The following ADGRG6 variants were observed in gnomAD, a reference collection of about 807,000 sequenced individuals.
ADGRG6 encodes the protein adhesion G protein-coupled receptor G6, also known as G-protein coupled receptor 126.
ADGRG6 carries 84 observed loss-of-function variants against 142.4 expected under a neutral mutation model. That is an observed-to-expected ratio of 0.59 (90% confidence interval 0.49 to 0.71). ADGRG6 has a LOEUF of 0.71. Among genes scored for constraint, ADGRG6 ranks in the 30% least tolerant of loss-of-function variants. The pLI, the probability that ADGRG6 is intolerant of heterozygous loss-of-function variation, is 0.00. For synonymous variants in ADGRG6, 521 were observed against 520.5 expected, an observed-to-expected ratio of 1.00 and a Z score of -0.01; for missense variants, 1,367 against 1,466.6, an observed-to-expected ratio of 0.93 and a Z score of 1.11.
intron 2 of ADGRG6, among the ~76,000 whole-genome samples, chr6:142,359,230 CTAAACA>C (rs1780604326): frequency 6.9e-6 from 1 of 143,910 alleles, no homozygotes; most frequent in African/African-American, 2.6e-5. Flanking sequence ...AAAAAAAGTG[CTAAACA>C]AAAATCCAGT....
intron 2 of ADGRG6, among the ~76,000 whole-genome samples, chr6:142,315,005 T>TG (rs1554229843): frequency 2.7e-5 from 4 of 150,774 alleles, no homozygotes; most frequent in Admixed American, 6.6e-5. Flanking sequence ...TGTGTGTGTG[T>TG]TATACAGTCT....
At chr6:142,385,893 A>G (rs1251041120) in intron 6 of ADGRG6, among the ~76,000 whole-genome samples, 3 of 152,228 alleles carry the variant, frequency 2.0e-5, no homozygotes, top group Non-Finnish European at 4.4e-5. Flanking sequence ...GGAAACAGAG[A>G]GTAAAGATTC....
At position 142,302,131 on chromosome 6, in the gene ADGRG6, G is replaced by A; in HGVS notation, c.-199G>A. 1 of 591,722 alleles carries A rather than the reference G, an allele frequency of 1.7e-6. No homozygotes were observed. The highest frequency in any genetic ancestry group is 2.2e-5 in the South Asian group (1 of 44,640). 36.7% of individuals were successfully genotyped at this position (591,722 alleles called of 1,614,324 possible). A position where few individuals can be genotyped will look rare whatever the true frequency, so the allele number is the denominator to read the frequency against. Reference sequence around the variant, plus strand: ...CTTCCTCGTCCGCAGGCCCTGCGCTGAACGCTGCCGCGCCCAGGGTTCACC... The same window carrying A: ...CTTCCTCGTCCGCAGGCCCTGCGCTAAACGCTGCCGCGCCCAGGGTTCACC... On this transcript the variant is annotated 5_prime_UTR_variant, in exon 1 of 25. Transcript: ENST00000367609.
chr6:142,366,752 C>CAAAAAAAAAA (rs35575976), intron 2 of ADGRG6, among the ~76,000 whole-genome samples: 1 of 121,422 alleles, frequency 8.2e-6, no homozygotes. Context: ...GAGACTGTCT[C>CAAAAAAAAAA]AAAAAAAAAA....
intron 2 of ADGRG6, among the ~76,000 whole-genome samples, chr6:142,356,207 C>T (rs1201379160): frequency 6.6e-6 from 1 of 152,230 alleles, no homozygotes; most frequent in Non-Finnish European, 1.5e-5. Context: ...GCATCAAGAG[C>T]ACGCTAAAGC....
At position 142,370,308 on chromosome 6, in the gene ADGRG6, A is replaced by G. The variant is rs751093638; in HGVS notation, c.584A>G (p.Glu195Gly). ...TTTGAAGCAACCAAAGTTGGCCATGAAGACAGTGATTGGACAGCTTTCTCC... is the reference window on the plus strand; with the variant it reads ...TTTGAAGCAACCAAAGTTGGCCATGGAGACAGTGATTGGACAGCTTTCTCC... ...LCFEATKVGH[E>G]DSDWTAFSYS... is the part of the protein sequence containing the mutation. Residue 195 changes from glutamate (E) to glycine (G), a missense_variant, in exon 4 of 25, where the codon GAA (glutamate) becomes GGA (glycine). Glu to Gly is a moderately conservative substitution (Grantham distance 98). Coordinates refer to ENST00000367609, the MANE Select transcript of ADGRG6 (RefSeq NM_198569.3). 15 of 1,613,764 alleles carry G rather than the reference A, an allele frequency of 9.3e-6. No homozygotes were observed. The highest frequency in any genetic ancestry group is 1.3e-5 in the Non-Finnish European group (15 of 1,179,838).
intron 15 of ADGRG6, among the ~76,000 whole-genome samples, chr6:142,406,189 G>GTT (rs1775796594): frequency 1.2e-4 from 1 of 8,432 alleles, no homozygotes; most frequent in Non-Finnish European, 2.0e-4. Context: ...CAAAGGAAAG[G>GTT]GTTTTTTTTT....
At chr6:142,405,551 C>T in intron 14 of ADGRG6, 137 bp from the exon 15 acceptor site, 1 of 711,914 alleles carries the variant, frequency 1.4e-6, no homozygotes, top group South Asian at 1.5e-5. Flanking sequence ...GCAGTGACTA[C>T]TGTAGATACA....
intron 24 of ADGRG6, 139 bp downstream of exon 24, chr6:142,438,503 C>A: frequency 2.0e-6 from 1 of 508,544 alleles, no homozygotes. Context: ...CGTTTGAAGA[C>A]GTTATCCAAC....
chr6:142,302,781 C>T (rs1198729091), intron 1 of ADGRG6: 1 of 172,336 alleles, frequency 5.8e-6, no homozygotes, highest in Non-Finnish European at 1.2e-5. Flanking sequence ...CACATTGTCA[C>T]CATTGACTGT....
At chr6:142,373,108 G>C (rs960247092) in intron 4 of ADGRG6, among the ~76,000 whole-genome samples, 1 of 152,174 alleles carries the variant, frequency 6.6e-6, no homozygotes, top group Non-Finnish European at 1.5e-5. Flanking sequence ...CCTGAGGCAC[G>C]TGGAGATTAA....
At chr6:142,340,560 A>G (rs1177035991) in intron 2 of ADGRG6, among the ~76,000 whole-genome samples, 1 of 152,148 alleles carries the variant, frequency 6.6e-6, no homozygotes, top group Non-Finnish European at 1.5e-5. Flanking sequence ...CCATGTAGCA[A>G]AAATTTGGCT....
At chr6:142,408,385 A>C in intron 16 of ADGRG6, 116 bp downstream of exon 16, 1 of 645,010 alleles carries the variant, frequency 1.6e-6, no homozygotes. Context: ...AGTAGGGCCC[A>C]GTTTTCTATA....
chr6:142,398,596 G>A (rs767071721), intron 10 of ADGRG6, among the ~76,000 whole-genome samples: 16 of 152,150 alleles, frequency 1.1e-4, no homozygotes, highest in South Asian at 2.1e-4. Context: ...GGCACGGCTT[G>A]TACTTCCACA....
rs1048829347 is a variant in ADGRG6 at position 142,445,929 on chromosome 6, C to G, written c.*2414C>G. On this transcript the variant is annotated 3_prime_UTR_variant, in exon 25 of 25. Coordinates refer to ENST00000367609, the MANE Select transcript of ADGRG6 (RefSeq NM_198569.3). ...TTCCATTCTTGTCACCATTCACTTG[C>G]ATTGTAAAGATTTTCTTTGTCTGTT... The G allele has an allele frequency of 1.3e-5, 2 of 152,188 alleles. No individual in the cohort carries two copies. The highest frequency in any genetic ancestry group is 2.9e-5 in the Non-Finnish European group (2 of 68,018). 9.4% of individuals were successfully genotyped at this position (152,188 alleles called of 1,614,324 possible).
At chr6:142,320,471 G>A (rs1282502414) in intron 2 of ADGRG6, among the ~76,000 whole-genome samples, 1 of 152,038 alleles carries the variant, frequency 6.6e-6, no homozygotes, top group Non-Finnish European at 1.5e-5. Flanking sequence ...GAGTAACTTA[G>A]TAGCATGAAT....
At chr6:142,357,953 C>T (rs1221101730) in intron 2 of ADGRG6, among the ~76,000 whole-genome samples, 2 of 152,174 alleles carry the variant, frequency 1.3e-5, no homozygotes, top group African/African-American at 2.4e-5. Flanking sequence ...ACACTGAAAA[C>T]TAATATTATT....
At chr6:142,405,315 C>G in intron 14 of ADGRG6, 1 of 458,532 alleles carries the variant, frequency 2.2e-6, no homozygotes, top group Non-Finnish European at 4.4e-6. Flanking sequence ...CTTTCTCTTT[C>G]TCTCTCCCTT....
chr6:142,389,957 A>G (rs1412338808), intron 6 of ADGRG6, among the ~76,000 whole-genome samples: 2 of 151,876 alleles, frequency 1.3e-5, no homozygotes, highest in African/African-American at 4.8e-5. Flanking sequence ...CACATTACAG[A>G]CAGTAGATAT....
Sources: allele counts gnomAD v4.1 joint callset (sites outside exome capture counted in the v4.1 genomes callset), GRCh38; gene constraint gnomAD v4.1.1; transcripts MANE v1.5; gene names NCBI Gene and HGNC (gene_info 2026-07-23, HGNC 2026-07-21).